Variants in SI observed in about 807,000 individuals in gnomAD.
SI encodes the protein sucrase-isomaltase.
In SI, 235 loss-of-function variants were observed where a neutral mutation model predicts 253.3. The observed-to-expected ratio is 0.93, with a 90% CI of 0.83 to 1.03. SI has a LOEUF of 1.03. Ranked by LOEUF, SI falls within the 50% of genes least tolerant of loss-of-function variation. The pLI, the probability that SI is intolerant of heterozygous loss-of-function variation, is 0.00. For synonymous variants in SI, 819 were observed against 712.0 expected (o/e 1.15, Z -2.39); for missense variants, 2,442 against 2,211.1 (o/e 1.10, Z -2.09).
rs867598736 is a variant in SI, at chr3:165,043,153, A to AAGAC, written c.1909_1910insGTCT (p.Phe637CysfsTer5). 3.5e-5 allele frequency: 56 copies of AAGAC among 1,610,914 alleles called. No homozygotes were observed. Among genetic ancestry groups the AAGAC allele is most frequent in the Non-Finnish European group, 4.4e-5 (52 of 1,177,830 alleles). ...AAGTTCTTCTGTGGTTTCAGCCACA[A>AAGAC]ATCCACAGATGTCTGCTCCAACCTA... On this transcript the variant is annotated frameshift_variant, in exon 17 of 48. Coordinates refer to ENST00000264382, the MANE Select transcript of SI (RefSeq NM_001041.4). LOFTEE classifies it high-confidence loss of function.
intron 37 of SI, among the ~76,000 whole-genome samples, chr3:165,001,370 T>C (rs1206650699): frequency 6.6e-6 from 1 of 151,538 alleles, no homozygotes. Context: ...GCAATATATT[T>C]AGTATTTGTT....
chr3:165,063,127 T>C (rs779841108), intron 8 of SI, among the ~76,000 whole-genome samples: 1 of 152,122 alleles, frequency 6.6e-6, no homozygotes, highest in Non-Finnish European at 1.5e-5. Context: ...TGTAGTGGCA[T>C]GTTTACTTAT....
At chr3:164,985,204 A>T (rs1717382716) in intron 45 of SI, among the ~76,000 whole-genome samples, 1 of 152,150 alleles carries the variant, frequency 6.6e-6, no homozygotes, top group Non-Finnish European at 1.5e-5. Context: ...GCTGGAGAAA[A>T]TTCTAAGAGA....
At chr3:165,084,264 C>T in the SI span, among the ~76,000 whole-genome samples, 1 of 152,026 alleles carries the variant, frequency 6.6e-6, no homozygotes, top group Non-Finnish European at 1.5e-5. Context: ...TCTTGGATTT[C>T]TCAACACCCA....
In SI at chr3:165,043,925, C is replaced by T. The variant is rs567377459; in HGVS notation, c.1888-750G>A. Among the ~76,000 whole-genome samples, 14 of 151,908 alleles carry T rather than the reference C, an allele frequency of 9.2e-5. No individual in the cohort carries two copies. The South Asian group carries it at 1.9e-3, about 20-fold the overall frequency. On this transcript the variant is annotated intron_variant, in intron 16 of 47. Coordinates refer to ENST00000264382, the MANE Select transcript of SI (RefSeq NM_001041.4). ...GAACTCATGACTATAAAAATTCTTC[C>T]GTGAAATTTATATATAGGCTGAGCA...
At chr3:165,023,815 G>A in intron 25 of SI, 39 bp from the exon 26 acceptor site, 1 of 1,419,514 alleles carries the variant, frequency 7.0e-7, no homozygotes, top group Non-Finnish European at 9.9e-7. Context: ...GAAATTATAA[G>A]CCTTGTAATA....
At chr3:165,049,717 A>G (rs971102374) in intron 14 of SI, 74 bp downstream of exon 14, 2 of 835,084 alleles carry the variant, frequency 2.4e-6, no homozygotes, top group Non-Finnish European at 4.1e-6. Context: ...TTAGAAATAT[A>G]TGTTAGAAAT....
intron 47 of SI, among the ~76,000 whole-genome samples, chr3:164,980,254 A>C (rs543584386): frequency 8.5e-5 from 13 of 152,098 alleles, no homozygotes; most frequent in African/African-American, 3.1e-4. Flanking sequence ...TTAATTTAAA[A>C]AGTAATAGTT....
chr3:164,986,772 G>A (rs1717460320), intron 45 of SI, among the ~76,000 whole-genome samples: 1 of 152,126 alleles, frequency 6.6e-6, no homozygotes, highest in Admixed American at 6.6e-5. Context: ...TCAATATTTT[G>A]CACATATAAT....
chr3:165,011,425 C>A (rs533859667), intron 34 of SI, among the ~76,000 whole-genome samples: 1 of 152,166 alleles, frequency 6.6e-6, no homozygotes, highest in Admixed American at 6.5e-5. Flanking sequence ...TATTTCCCCT[C>A]TTTTTCTGAT....
chr3:165,044,136 T>C (rs1170206359), intron 16 of SI, among the ~76,000 whole-genome samples: 2 of 151,992 alleles, frequency 1.3e-5, no homozygotes, highest in African/African-American at 4.8e-5. Context: ...ATATGAAACA[T>C]AAATTTGCTC....
At chr3:164,989,787 G>A (rs1717643249) in intron 44 of SI, among the ~76,000 whole-genome samples, 1 of 152,122 alleles carries the variant, frequency 6.6e-6, no homozygotes, top group Non-Finnish European at 1.5e-5. Context: ...GTATCTCATG[G>A]AGGAATCTTA....
chr3:164,987,353 A>G (rs1717487622), intron 44 of SI, 127 bp from the exon 45 acceptor site: 2 of 708,602 alleles, frequency 2.8e-6, no homozygotes, highest in South Asian at 3.2e-5. Context: ...GACTTAGACT[A>G]AGAAAATTAA....
intron 24 of SI, among the ~76,000 whole-genome samples, chr3:165,031,358 T>A (rs1010230888): frequency 2.0e-5 from 3 of 147,386 alleles, no homozygotes; most frequent in Admixed American, 6.8e-5. Context: ...TATATATATA[T>A]AATATATATA....
At position 165,039,959 on chromosome 3, in the gene SI, A is replaced by G. The variant is rs1560002559; in HGVS notation, c.2172T>C (p.Asp724=). The G allele has an allele frequency of 5.0e-6, 8 of 1,612,270 alleles. No individual in the cohort carries two copies. The highest frequency in any genetic ancestry group is 1.3e-5 in the African/African-American group (1 of 74,854). The stretch of plus-strand genomic sequence containing the variant: ...CAGTGTCCTCAATCCAGCTGTTCGT[A>G]TCCTCATAAAACCTAAGAACAATGA... ...ARPVLHEFYE[D]TNSWIEDTEF... Residue 724 remains aspartate, a synonymous_variant, in exon 19 of 48, where the codon GAT becomes GAC. Transcript: ENST00000264382.
chr3:165,012,050 T>C (rs1348725283), intron 34 of SI, among the ~76,000 whole-genome samples: 2 of 152,160 alleles, frequency 1.3e-5, no homozygotes, highest in Non-Finnish European at 2.9e-5. Flanking sequence ...TGTTCCCTTC[T>C]GTTTATCATT....
At chr3:164,983,289 T>C (rs967826675) in intron 45 of SI, among the ~76,000 whole-genome samples, 2 of 152,122 alleles carry the variant, frequency 1.3e-5, no homozygotes, top group African/African-American at 4.8e-5. Context: ...TATGTGTGTG[T>C]AGGGGTAATG....
chr3:164,982,993 C>G lies in SI; in HGVS notation c.5247+9G>C. On this transcript the variant is annotated intron_variant, in intron 46 of 47. Coordinates refer to ENST00000264382, the MANE Select transcript of SI (RefSeq NM_001041.4). ...CTTAACAGAATTGCATATAAATAAT[C>G]TTACATACCTGGTTTAAATTAAATT... 3 of 1,553,566 alleles carry G rather than the reference C, an allele frequency of 1.9e-6. No individual in the cohort carries two copies. Among genetic ancestry groups the G allele is most frequent in the Non-Finnish European group, 2.6e-6 (3 of 1,134,302 alleles).
chr3:164,985,115 CA>C (rs557925933), intron 45 of SI, among the ~76,000 whole-genome samples: 5 of 152,074 alleles, frequency 3.3e-5, no homozygotes, highest in Non-Finnish European at 5.9e-5. Flanking sequence ...CCAGTGATTA[CA>C]AAAAGTCTGC....
Sources: allele counts gnomAD v4.1 joint callset (sites outside exome capture counted in the v4.1 genomes callset), GRCh38; gene constraint gnomAD v4.1.1; transcripts MANE v1.5; gene names NCBI Gene and HGNC (gene_info 2026-07-23, HGNC 2026-07-21).